Variants in TENM3 observed in about 807,000 individuals in gnomAD.
TENM3 encodes the protein teneurin-3.
Under a neutral mutation model 255.1 loss-of-function variants are expected in TENM3, and 63 were observed. The ratio of observed to expected loss-of-function variants is 0.25; its 90% CI spans 0.20 to 0.30. The LOEUF is 0.30. Ranked by LOEUF, TENM3 falls within the 10% of genes least tolerant of loss-of-function variation. The pLI, the probability that TENM3 is intolerant of heterozygous loss-of-function variation, is 1.00. For missense variants in TENM3, 2,929 were observed against 3,461.1 expected (o/e 0.85, Z 3.86); for synonymous variants, 1,306 against 1,322.3 (o/e 0.99, Z 0.27).
chr4:181,936,079 G>C, the TENM3 span, among the ~76,000 whole-genome samples: 1 of 152,142 alleles, frequency 6.6e-6, no homozygotes, highest in Admixed American at 6.6e-5. Context: ...GCTCAGTGCT[G>C]AGTGCTTTAT....
chr4:182,228,177 G>A (rs1756308246), intron 1 of TENM3, among the ~76,000 whole-genome samples: 1 of 151,962 alleles, frequency 6.6e-6, no homozygotes, highest in East Asian at 1.9e-4. Flanking sequence ...GAGGACCACA[G>A]TTAATAATGT....
the TENM3 span, among the ~76,000 whole-genome samples, chr4:181,789,748 G>C: frequency 6.6e-6 from 1 of 152,026 alleles, no homozygotes; most frequent in African/African-American, 2.4e-5. Flanking sequence ...CTTAGACAAG[G>C]AGATGTGCTT....
At chr4:181,470,986 T>TC in the TENM3 span, among the ~76,000 whole-genome samples, 1 of 4,218 alleles carries the variant, frequency 2.4e-4, no homozygotes, top group Admixed American at 2.4e-3. Context: ...GTTTGTGGTG[T>TC]TTTTTTCTTA....
At chr4:182,171,257 G>C (rs115647022) in intron 1 of TENM3, among the ~76,000 whole-genome samples, 1 of 152,162 alleles carries the variant, frequency 6.6e-6, no homozygotes, top group South Asian at 2.1e-4. Context: ...GTCTCCCTGA[G>C]TTACTAGATA....
the TENM3 span, among the ~76,000 whole-genome samples, chr4:181,474,325 T>A: frequency 6.6e-6 from 1 of 152,162 alleles, no homozygotes; most frequent in Non-Finnish European, 1.5e-5. Flanking sequence ...ATAAAAAATT[T>A]TTTTTAAAGA....
At chr4:181,454,641 T>A in the TENM3 span, among the ~76,000 whole-genome samples, 2 of 100,928 alleles carry the variant, frequency 2.0e-5, no homozygotes, top group Non-Finnish European at 4.1e-5. Flanking sequence ...TACCATTTTT[T>A]TCTGGTGTGC....
chr4:181,598,246 T>C, the TENM3 span, among the ~76,000 whole-genome samples: 8 of 152,206 alleles, frequency 5.3e-5, no homozygotes, highest in Admixed American at 3.9e-4. Flanking sequence ...CTGCTAACTC[T>C]AGCTATTAAT....
intron 1 of TENM3, among the ~76,000 whole-genome samples, chr4:182,150,575 G>A (rs1750271284): frequency 6.6e-6 from 1 of 151,482 alleles, no homozygotes; most frequent in South Asian, 2.1e-4. Flanking sequence ...AGGCATGCTT[G>A]CTTTGTTTAT....
intron 6 of TENM3, among the ~76,000 whole-genome samples, chr4:182,663,706 G>T (rs1754413306): frequency 6.6e-6 from 1 of 152,058 alleles, no homozygotes; most frequent in African/African-American, 2.4e-5. Flanking sequence ...ATTTTTTTAA[G>T]TGATTCTGTT....
chr4:181,661,055 A>AGTAT, the TENM3 span, among the ~76,000 whole-genome samples: 226 of 152,312 alleles, frequency 1.5e-3, no homozygotes, highest in Non-Finnish European at 2.7e-3. Flanking sequence ...CCCAAACGTA[A>AGTAT]GTATGTAAAT....
chr4:182,738,594 T>TA, intron 18 of TENM3, 50 bp downstream of exon 18: 2 of 1,464,742 alleles, frequency 1.4e-6, no homozygotes, highest in Non-Finnish European at 1.8e-6. Flanking sequence ...TGTTCAGAGA[T>TA]AGCTAATGTT....
chr4:182,196,426 C>T (rs1561187448), intron 1 of TENM3, among the ~76,000 whole-genome samples: 1 of 152,124 alleles, frequency 6.6e-6, no homozygotes, highest in African/African-American at 2.4e-5. Flanking sequence ...CATAGCCACG[C>T]CTCATCTGAG....
intron 1 of TENM3, among the ~76,000 whole-genome samples, chr4:182,306,331 C>A (rs1762131469): frequency 6.6e-6 from 1 of 152,114 alleles, no homozygotes; most frequent in Non-Finnish European, 1.5e-5. Context: ...GCTAGGATTA[C>A]AGGCCTGAGC....
At chr4:181,666,512 T>C in the TENM3 span, among the ~76,000 whole-genome samples, 1 of 152,166 alleles carries the variant, frequency 6.6e-6, no homozygotes, top group South Asian at 2.1e-4. Flanking sequence ...GCATTTTTAC[T>C]CTCAAAATGA....
chr4:181,828,630 C>T, the TENM3 span, among the ~76,000 whole-genome samples: 3 of 152,174 alleles, frequency 2.0e-5, no homozygotes, highest in Non-Finnish European at 4.4e-5. Context: ...GTTGCCCAGG[C>T]ACTGAGAAAG....
intron 3 of TENM3, among the ~76,000 whole-genome samples, chr4:182,576,665 T>C (rs1744950434): frequency 6.6e-6 from 1 of 152,218 alleles, no homozygotes; most frequent in Admixed American, 6.5e-5. Flanking sequence ...ATCTCTTGAA[T>C]CTGGCCCTGC....
At position 182,748,531 on chromosome 4, in the gene TENM3, A is replaced by G. The variant is rs74902264; in HGVS notation, c.3630-3269A>G. On this transcript the variant is annotated intron_variant, in intron 19 of 27. Transcript: ENST00000511685. ...CACGAGCTCACACTGTCAACTCTCT[A>G]TGCTCAAATTAGGTGACCTTGAATC... Among the ~76,000 whole-genome samples, 711 of 152,286 alleles carry G rather than the reference A, an allele frequency of 4.7e-3. 6 individuals are homozygous for G. The highest frequency in any genetic ancestry group is 0.016 in the African/African-American group (648 of 41,568).
At chr4:182,022,908 C>G in the TENM3 span, among the ~76,000 whole-genome samples, 1 of 152,082 alleles carries the variant, frequency 6.6e-6, no homozygotes, top group Non-Finnish European at 1.5e-5. Context: ...CATTTCTGGC[C>G]TAAAGTGGAT....
chr4:182,445,104 T>A (rs1228410548), intron 3 of TENM3, among the ~76,000 whole-genome samples: 1 of 152,192 alleles, frequency 6.6e-6, no homozygotes, highest in East Asian at 1.9e-4. Context: ...CCACCGTGCC[T>A]GGCCAATAAC....
Sources: allele counts gnomAD v4.1 joint callset (sites outside exome capture counted in the v4.1 genomes callset), GRCh38; gene constraint gnomAD v4.1.1; transcripts MANE v1.5; gene names NCBI Gene and HGNC (gene_info 2026-07-23, HGNC 2026-07-21).